PEAK1: variants seen among roughly 807,000 people sequenced by gnomAD.
PEAK1 encodes pseudopodium enriched atypical kinase 1.
PEAK1 carries 54 observed loss-of-function variants against 124.7 expected under a neutral mutation model. The ratio of observed to expected loss-of-function variants is 0.43; its 90% CI spans 0.35 to 0.54. The LOEUF is 0.54. Among genes scored for constraint, PEAK1 ranks in the 20% least tolerant of loss-of-function variants. The pLI is 0.01. For missense variants in PEAK1, 2,046 were observed against 2,134.5 expected, an observed-to-expected ratio of 0.96 and a Z score of 0.82; for synonymous variants, 719 against 760.0, an observed-to-expected ratio of 0.95 and a Z score of 0.89.
At chr15:77,183,300 A>C (rs538877233) in intron 6 of PEAK1, among the ~76,000 whole-genome samples, 4 of 152,334 alleles carry the variant, frequency 2.6e-5, no homozygotes, top group African/African-American at 9.6e-5. Flanking sequence ...GTAGCTATGA[A>C]ATGTGTGACA....
Position 77,395,986 on chromosome 15 carries a change from C to T in PEAK1, c.-666+24020G>A, listed in dbSNP as rs575324062. Among the ~76,000 whole-genome samples, 7 of 151,988 alleles carry T rather than the reference C, an allele frequency of 4.6e-5. No individual in the cohort carries two copies. The East Asian group carries it at 5.8e-4, about 13-fold the overall frequency. ...TGAGTAGAAAGACTAAGAGATAAACCGATCAAAAATAATAACTATAACTTT... is the reference window on the plus strand; with the variant it reads ...TGAGTAGAAAGACTAAGAGATAAACTGATCAAAAATAATAACTATAACTTT... On this transcript the variant is annotated intron_variant, in intron 1 of 9. Transcript: ENST00000682557.
rs188602958 is a variant in PEAK1, at chr15:77,375,792, G to A, written c.-665-10567C>T. Reference sequence around the variant, plus strand: ...GGGTGGATCACGAAGTCAGGAGATCGAGACCATCCTGGCTAACACGGTGAA... The same window carrying A: ...GGGTGGATCACGAAGTCAGGAGATCAAGACCATCCTGGCTAACACGGTGAA... On this transcript the variant is annotated intron_variant, in intron 1 of 9. Coordinates refer to ENST00000682557, the MANE Select transcript of PEAK1 (RefSeq NM_001385026.1). Among the ~76,000 whole-genome samples the A allele has an allele frequency of 3.8e-3, 572 of 152,140 alleles. 5 individuals are homozygous for A. The highest frequency in any genetic ancestry group is 0.012 in the African/African-American group (516 of 41,524).
intron 9 of PEAK1, among the ~76,000 whole-genome samples, chr15:77,131,236 C>T (rs2052830313): frequency 6.6e-6 from 1 of 152,246 alleles, no homozygotes; most frequent in East Asian, 1.9e-4. Flanking sequence ...TGGCTCACGC[C>T]TGTAATCCCA....
At chr15:77,257,644 T>A (rs2061224907) in intron 5 of PEAK1, among the ~76,000 whole-genome samples, 1 of 151,646 alleles carries the variant, frequency 6.6e-6, no homozygotes, top group African/African-American at 2.4e-5. Flanking sequence ...GTCAGATGAG[T>A]AGGTTGCAAA....
rs775903015 is a variant in PEAK1 at position 77,181,604 on chromosome 15, C to T, written c.323G>A (p.Arg108Lys). The change falls in exon 7 of 10, where the codon AGA (arginine) becomes AAA (lysine). Residue 108 changes from arginine to lysine, a missense_variant. Coordinates refer to ENST00000682557, the MANE Select transcript of PEAK1 (RefSeq NM_001385026.1). ...AAGTGGTTTCTGACTCAAGGCAGCT[C>T]TGTTTCGGTTCCACCCTATGATGAC... ...KPVIIGWNRN[R>K]AALSQKPLNN... The T allele has an allele frequency of 6.2e-6, 10 of 1,614,140 alleles. No homozygotes were observed. Among genetic ancestry groups the T allele is most frequent in the Non-Finnish European group, 8.5e-6 (10 of 1,180,022 alleles).
intron 1 of PEAK1, among the ~76,000 whole-genome samples, chr15:77,400,998 T>A (rs1432868961): frequency 1.3e-5 from 2 of 152,152 alleles, no homozygotes. Context: ...AACAATCTTG[T>A]GTATTGTTTA....
chr15:77,236,352 G>C (rs2060124005), intron 6 of PEAK1, among the ~76,000 whole-genome samples: 1 of 152,234 alleles, frequency 6.6e-6, no homozygotes, highest in African/African-American at 2.4e-5. Context: ...ACCTGAATGT[G>C]AGACGTGGAA....
At chr15:77,188,143 GA>G (rs894090974) in intron 6 of PEAK1, among the ~76,000 whole-genome samples, 2 of 149,706 alleles carry the variant, frequency 1.3e-5, no homozygotes, top group Non-Finnish European at 3.0e-5. Flanking sequence ...AGATCTGACT[GA>G]AAAAAAAAAT....
At chr15:77,232,675 C>G (rs959313335) in intron 6 of PEAK1, among the ~76,000 whole-genome samples, 1 of 152,178 alleles carries the variant, frequency 6.6e-6, no homozygotes, top group African/African-American at 2.4e-5. Flanking sequence ...TTAAGGATAA[C>G]CTTTCTACTT....
chr15:77,326,510 T>C lies in PEAK1; in HGVS notation c.-603+38653A>G, dbSNP rs559697517. Among the ~76,000 whole-genome samples, 8 of 152,284 alleles carry C rather than the reference T, an allele frequency of 5.3e-5. No homozygotes were observed. The South Asian group carries it at 1.7e-3, about 32-fold the overall frequency. On this transcript the variant is annotated intron_variant, in intron 2 of 9. Transcript: ENST00000682557. ...ATCTAACAAAGCTAAAAAGCTCTCT[T>C]CTGAGACTCCCTCTCCTTATTTCGG...
intron 6 of PEAK1, among the ~76,000 whole-genome samples, chr15:77,185,651 T>C (rs988575489): frequency 1.3e-5 from 2 of 151,958 alleles, no homozygotes; most frequent in African/African-American, 2.4e-5. Context: ...AGTGAGATAA[T>C]AGAGCAATGG....
At chr15:77,102,769 T>G (rs1004414164) in exon 7 of PEAK1, 3 of 152,218 alleles carry the variant, frequency 2.0e-5, no homozygotes, top group African/African-American at 7.2e-5. Context: ...TCACACTGTT[T>G]TATTGATCAT....
At chr15:77,264,554 G>A (rs2061614184) in intron 5 of PEAK1, among the ~76,000 whole-genome samples, 1 of 152,184 alleles carries the variant, frequency 6.6e-6, no homozygotes, top group Admixed American at 6.5e-5. Context: ...CAAGGGACGT[G>A]AAGGACCTCT....
intron 2 of PEAK1, among the ~76,000 whole-genome samples, chr15:77,311,685 CA>C (rs11296386): frequency 0.49 from 42,661 of 86,446 alleles, 7,259 homozygotes; most frequent in South Asian, 0.64. Flanking sequence ...CCAACCCCCA[CA>C]AAAAAAAAAA....
intron 2 of PEAK1, among the ~76,000 whole-genome samples, chr15:77,322,415 A>C (rs2065279798): frequency 6.6e-6 from 1 of 152,208 alleles, no homozygotes; most frequent in Non-Finnish European, 1.5e-5. Context: ...GAGAAGAATC[A>C]AATAGACGCA....
At chr15:77,342,745 G>A (rs56263908) in intron 2 of PEAK1, among the ~76,000 whole-genome samples, 1 of 152,032 alleles carries the variant, frequency 6.6e-6, no homozygotes, top group African/African-American at 2.4e-5. Context: ...ATTTCACTTA[G>A]CATAATGTCT....
chr15:77,127,985 A>C (rs1034955114), intron 9 of PEAK1, among the ~76,000 whole-genome samples: 5 of 151,834 alleles, frequency 3.3e-5, no homozygotes, highest in Non-Finnish European at 7.4e-5. Flanking sequence ...GGGCTAAGGC[A>C]GGAGAATGAC....
intron 6 of PEAK1, among the ~76,000 whole-genome samples, chr15:77,197,145 A>G (rs1318216844): frequency 6.6e-6 from 1 of 151,730 alleles, no homozygotes; most frequent in Admixed American, 6.6e-5. Flanking sequence ...GAGCCACCAC[A>G]CCCAGACTAA....
chr15:77,406,160 G>A (rs966198517), intron 1 of PEAK1, among the ~76,000 whole-genome samples: 1 of 151,994 alleles, frequency 6.6e-6, no homozygotes, highest in East Asian at 1.9e-4. Flanking sequence ...TTAACTTCAG[G>A]AACAATAGCT....
Sources: gnomAD v4.1 joint callset for allele counts (sites outside exome capture counted in the v4.1 genomes callset) on GRCh38, gnomAD v4.1.1 for gene constraint, MANE v1.5 for transcripts, NCBI Gene and HGNC (gene_info 2026-07-23, HGNC 2026-07-21) for gene names.